Variants in DLGAP2 observed in about 807,000 individuals in gnomAD.
The protein encoded by DLGAP2 is disks large-associated protein 2.
A neutral mutation model predicts 100.3 loss-of-function variants in DLGAP2; 26 were observed. That is an observed-to-expected ratio of 0.26 (90% CI 0.19 to 0.36). The LOEUF is 0.36. DLGAP2 is among the 10% of genes least tolerant of loss of function. The pLI is 1.00. For missense variants in DLGAP2, 1,858 were observed against 1,453.2 expected (o/e 1.28, Z -4.53); for synonymous variants, 886 against 630.1 (o/e 1.41, Z -6.08).
At position 1,565,784 on chromosome 8, in the gene DLGAP2, C is replaced by A. The variant is rs371842482; in HGVS notation, c.1332C>A (p.Asp444Glu). Residue 444 changes from aspartate to glutamate, a missense_variant, in exon 6 of 15, where the codon GAC (aspartate) becomes GAA (glutamate). Coordinates refer to ENST00000637795, the MANE Select transcript of DLGAP2 (RefSeq NM_001346810.2). ...RSGSYIKAMG[D>E]EESGESDSSP... Reference sequence around the variant, plus strand: ...GGAGTTACATTAAAGCCATGGGGGACGAGGAGAGCGGAGAGTCAGACTCCA... The same window carrying A: ...GGAGTTACATTAAAGCCATGGGGGAAGAGGAGAGCGGAGAGTCAGACTCCA... 6.2e-7 allele frequency: 1 copy of A among 1,613,772 alleles called. No homozygotes were observed.
chr8:1,287,415 G>A (rs145980804), intron 3 of DLGAP2, among the ~76,000 whole-genome samples: 2 of 130,884 alleles, frequency 1.5e-5, no homozygotes, highest in African/African-American at 3.0e-5. Context: ...AACTAGTTTT[G>A]GTTCAGCGTG....
At chr8:877,754 C>G (rs1311757300) in intron 1 of DLGAP2, among the ~76,000 whole-genome samples, 3 of 152,166 alleles carry the variant, frequency 2.0e-5, no homozygotes, top group Admixed American at 1.3e-4. Context: ...CGAGAGCTCC[C>G]TTAGGTTTAA....
At chr8:1,331,818 T>C (rs1188185211) in intron 3 of DLGAP2, among the ~76,000 whole-genome samples, 2 of 152,184 alleles carry the variant, frequency 1.3e-5, no homozygotes, top group Non-Finnish European at 2.9e-5. Context: ...CTGGGATCTG[T>C]GAACAGGCAG....
intron 3 of DLGAP2, among the ~76,000 whole-genome samples, chr8:1,428,187 ATC>A (rs1266649213): frequency 2.0e-5 from 3 of 152,084 alleles, no homozygotes; most frequent in East Asian, 3.9e-4. Context: ...AAAATAGACA[ATC>A]TCTATCAAAA....
chr8:1,438,048 G>A (rs557112639), intron 3 of DLGAP2, among the ~76,000 whole-genome samples: 1 of 152,126 alleles, frequency 6.6e-6, no homozygotes, highest in Admixed American at 6.5e-5. Context: ...TTAAAATTTG[G>A]TATAGAGGAT....
At chr8:884,514 G>C (rs1309014832) in intron 1 of DLGAP2, among the ~76,000 whole-genome samples, 2 of 151,470 alleles carry the variant, frequency 1.3e-5, no homozygotes, top group African/African-American at 4.9e-5. Flanking sequence ...TAAGTTCCTT[G>C]TAAATTCTGG....
intron 2 of DLGAP2, among the ~76,000 whole-genome samples, chr8:983,101 T>G (rs1800385734): frequency 6.6e-6 from 1 of 152,224 alleles, no homozygotes; most frequent in South Asian, 2.1e-4. Flanking sequence ...CCGATGGACC[T>G]GACGGACTAG....
At position 1,549,534 on chromosome 8, in the gene DLGAP2, C is replaced by G. The variant is rs778948157; in HGVS notation, c.1081C>G (p.Pro361Ala). The G allele has an allele frequency of 2.6e-5, 42 of 1,613,372 alleles. No homozygotes were observed. In the East Asian group the frequency reaches 8.5e-4, roughly 33 times the overall value. ...CSACEGLALT[P>A]DAKYLKRSSW... Reference sequence around the variant, plus strand: ...GGCCTGTGAGGGGTTGGCGCTGACGCCCGACGCCAAGTACCTGAAGCGCAG... The same window carrying G: ...GGCCTGTGAGGGGTTGGCGCTGACGGCCGACGCCAAGTACCTGAAGCGCAG... Residue 361 changes from proline to alanine, a missense_variant, in exon 5 of 15, where the codon CCC (proline) becomes GCC (alanine). Physicochemically the swap from Pro to Ala is conservative, Grantham distance 27. Coordinates refer to ENST00000637795, the MANE Select transcript of DLGAP2 (RefSeq NM_001346810.2).
At chr8:1,670,045 G>T (rs910194824) in intron 10 of DLGAP2, among the ~76,000 whole-genome samples, 1 of 152,088 alleles carries the variant, frequency 6.6e-6, no homozygotes, top group Non-Finnish European at 1.5e-5. Flanking sequence ...CTCCGTCTCC[G>T]TCTCCAGGGT....
At chr8:1,450,320 G>T (rs12542992) in intron 3 of DLGAP2, among the ~76,000 whole-genome samples, 581 of 24,484 alleles carry the variant, frequency 0.024, 8 homozygotes, top group East Asian at 0.098. Context: ...TGGCTGAGGC[G>T]GAGCTGTGAG....
intron 3 of DLGAP2, among the ~76,000 whole-genome samples, chr8:1,287,160 G>GTA (rs1554434584): frequency 2.3e-5 from 3 of 130,046 alleles, no homozygotes; most frequent in Non-Finnish European, 3.3e-5. Context: ...GTGTGTGTGC[G>GTA]CGCGCGCGCG....
chr8:1,449,391 T>C lies in DLGAP2; in HGVS notation c.107-51975T>C, dbSNP rs566745641. Among the ~76,000 whole-genome samples the C allele has an allele frequency of 4.6e-5, 7 of 152,210 alleles. No homozygotes were observed. In the South Asian group the frequency reaches 1.5e-3, roughly 32 times the overall value. ...TGCAGGAATTCTCTCAGAGTTGTCTTGGGGCTGGAGCTTCCAGGGGGACTC... is the reference window on the plus strand; with the variant it reads ...TGCAGGAATTCTCTCAGAGTTGTCTCGGGGCTGGAGCTTCCAGGGGGACTC... On this transcript the variant is annotated intron_variant, in intron 3 of 14. Transcript: ENST00000637795.
chr8:1,124,860 G>T (rs923612948), intron 2 of DLGAP2, among the ~76,000 whole-genome samples: 1 of 152,166 alleles, frequency 6.6e-6, no homozygotes, highest in East Asian at 1.9e-4. Flanking sequence ...CGGAACCCCA[G>T]GCTCTGGGTT....
chr8:1,598,776 T>C (rs1214116666), intron 6 of DLGAP2, among the ~76,000 whole-genome samples: 1 of 152,174 alleles, frequency 6.6e-6, no homozygotes, highest in African/African-American at 2.4e-5. Flanking sequence ...ATAGTCTGGG[T>C]AGTGGTCTAT....
At chr8:1,058,155 C>T (rs376462051) in intron 2 of DLGAP2, among the ~76,000 whole-genome samples, 7 of 151,844 alleles carry the variant, frequency 4.6e-5, no homozygotes, top group Admixed American at 1.3e-4. Context: ...GATTGACTAG[C>T]GGCGGGTCTG....
chr8:1,169,453 A>G lies in DLGAP2; in HGVS notation c.74-89398A>G, dbSNP rs1245553003. Among the ~76,000 whole-genome samples the G allele has an allele frequency of 5.9e-5, 9 of 152,152 alleles. No individual in the cohort carries two copies. The South Asian group carries it at 6.2e-4, about 11-fold the overall frequency. On this transcript the variant is annotated intron_variant, in intron 2 of 14. Transcript: ENST00000637795. ...GGTAGCTTGATGGGGATGGCATTGA[A>G]TCTATCAATTACCCTGGGCAATATG...
At chr8:1,317,833 A>G (rs1037361427) in intron 3 of DLGAP2, among the ~76,000 whole-genome samples, 2 of 146,288 alleles carry the variant, frequency 1.4e-5, no homozygotes, top group East Asian at 2.0e-4. Context: ...TCTCTCCCAC[A>G]GTGGTCTACA....
intron 3 of DLGAP2, among the ~76,000 whole-genome samples, chr8:1,494,605 T>C (rs1314188658): frequency 6.6e-6 from 1 of 152,094 alleles, no homozygotes; most frequent in African/African-American, 2.4e-5. Context: ...GTCAGGCGCC[T>C]GTAGTCTCAC....
chr8:1,374,807 G>A (rs1202298346), intron 3 of DLGAP2, among the ~76,000 whole-genome samples: 6 of 152,162 alleles, frequency 3.9e-5, no homozygotes, highest in South Asian at 2.1e-4. Flanking sequence ...AGTCCGAATC[G>A]GTCCAAGCAG....
Sources: allele counts gnomAD v4.1 joint callset (sites outside exome capture counted in the v4.1 genomes callset), GRCh38; gene constraint gnomAD v4.1.1; transcripts MANE v1.5; gene names NCBI Gene and HGNC (gene_info 2026-07-23, HGNC 2026-07-21).